Variants in TCF20 observed in about 807,000 individuals in gnomAD.
The protein encoded by TCF20 is transcription factor 20.
In TCF20, 3 loss-of-function variants were observed where a neutral mutation model predicts 148.6. The ratio of observed to expected loss-of-function variants is 0.02; its 90% CI spans 0.01 to 0.05. TCF20 has a LOEUF of 0.05. Ranked by LOEUF, TCF20 falls within the 10% of genes least tolerant of loss-of-function variation. The pLI is 1.00. For missense variants in TCF20, 2,350 were observed against 2,429.3 expected, an observed-to-expected ratio of 0.97 and a Z score of 0.69; for synonymous variants, 1,049 against 909.5, an observed-to-expected ratio of 1.15 and a Z score of -2.76.
intron 1 of TCF20, among the ~76,000 whole-genome samples, chr22:42,259,558 A>T (rs1289305317): frequency 6.6e-6 from 1 of 152,116 alleles, no homozygotes; most frequent in Non-Finnish European, 1.5e-5. Context: ...TACATTCAAA[A>T]CCAAGTTCAT....
chr22:42,265,910 G>T (rs1422347970), intron 1 of TCF20, among the ~76,000 whole-genome samples: 1 of 152,112 alleles, frequency 6.6e-6, no homozygotes, highest in Non-Finnish European at 1.5e-5. Flanking sequence ...TATGAAAAGA[G>T]AAATTTTTTC....
intron 2 of TCF20, among the ~76,000 whole-genome samples, chr22:42,186,958 G>A (rs1309560645): frequency 6.6e-6 from 1 of 152,162 alleles, no homozygotes; most frequent in Admixed American, 6.5e-5. Flanking sequence ...GAGAAAAACC[G>A]CCTCACAGGC....
intron 1 of TCF20, among the ~76,000 whole-genome samples, chr22:42,310,443 G>A (rs901121039): frequency 1.2e-4 from 16 of 133,478 alleles, no homozygotes; most frequent in Non-Finnish European, 1.5e-4. Context: ...GGGGTTGTGC[G>A]GGGGGGAGTA....
intron 1 of TCF20, among the ~76,000 whole-genome samples, chr22:42,217,920 ACTTC>A (rs1921974050): frequency 6.6e-6 from 1 of 152,272 alleles, no homozygotes; most frequent in Non-Finnish European, 1.5e-5. Flanking sequence ...ACAAGGGTCT[ACTTC>A]CTTAAGCTTG....
Position 42,235,445 on chromosome 22 carries a change from T to C in TCF20, c.-36-20104A>G, listed in dbSNP as rs552935268. 5.9e-5 allele frequency among the ~76,000 whole-genome samples: 9 copies of C among 152,306 alleles called. No homozygotes were observed. In the East Asian group the frequency reaches 1.2e-3, roughly 20 times the overall value. ...CTCTCCTGAAGTGACAGAAAGAACATTGAGTAGTACTATCTTACCTAGAGT... is the reference window on the plus strand; with the variant it reads ...CTCTCCTGAAGTGACAGAAAGAACACTGAGTAGTACTATCTTACCTAGAGT... On this transcript the variant is annotated intron_variant, in intron 1 of 5. Transcript: ENST00000677622.
At chr22:42,282,483 ACCTCCAGGC>A (rs1022223591) in intron 1 of TCF20, among the ~76,000 whole-genome samples, 4 of 152,094 alleles carry the variant, frequency 2.6e-5, no homozygotes, top group Non-Finnish European at 4.4e-5. Flanking sequence ...CTGTTTGCCA[ACCTCCAGGC>A]CAGCCAGGCC....
chr22:42,266,329 G>A (rs569579640), intron 1 of TCF20, among the ~76,000 whole-genome samples: 1 of 152,352 alleles, frequency 6.6e-6, no homozygotes, highest in South Asian at 2.1e-4. Context: ...GCCTTGGACA[G>A]AGTCTAGCAC....
intron 1 of TCF20, among the ~76,000 whole-genome samples, chr22:42,227,703 G>A (rs1923040288): frequency 6.6e-6 from 1 of 152,276 alleles, no homozygotes; most frequent in African/African-American, 2.4e-5. Flanking sequence ...CCATGTCCCT[G>A]CCAGAGTACA....
intron 1 of TCF20, among the ~76,000 whole-genome samples, chr22:42,247,321 TC>T (rs1240150636): frequency 6.6e-6 from 1 of 150,514 alleles, no homozygotes; most frequent in Non-Finnish European, 1.5e-5. Context: ...GCGCCTGTAA[TC>T]CCAGCTACTC....
intron 1 of TCF20, among the ~76,000 whole-genome samples, chr22:42,324,676 T>C (rs1405283592): frequency 6.7e-6 from 1 of 148,920 alleles, no homozygotes; most frequent in Non-Finnish European, 1.5e-5. Context: ...TTTAAGAAAA[T>C]AATCTCCACC....
At chr22:42,202,699 A>T (rs916601199) in intron 2 of TCF20, among the ~76,000 whole-genome samples, 11 of 152,206 alleles carry the variant, frequency 7.2e-5, no homozygotes, top group Non-Finnish European at 1.6e-4. Flanking sequence ...GGTGCGGAGG[A>T]GGAACCTCCA....
At chr22:42,162,424 G>A (rs1935522765) in intron 5 of TCF20, among the ~76,000 whole-genome samples, 1 of 152,130 alleles carries the variant, frequency 6.6e-6, no homozygotes, top group Non-Finnish European at 1.5e-5. Flanking sequence ...CCATCCCCAG[G>A]CTGGAGGGCT....
In TCF20 at chr22:42,210,568, G is replaced by C. The variant is rs1310202898; in HGVS notation, c.4738C>G (p.Gln1580Glu). The part of the protein sequence containing the change: ...SADGEPKPKK[Q>E]RQRRERRKPG... Reference sequence around the variant, plus strand: ...TTCCTTCTCTCCCTCCTTTGCCTCTGTTTTTTTGGCTTTGGCTCTCCATCT... The same window carrying C: ...TTCCTTCTCTCCCTCCTTTGCCTCTCTTTTTTTGGCTTTGGCTCTCCATCT... Residue 1580 changes from glutamine to glutamate, a missense_variant, in exon 2 of 6, where the codon CAG becomes GAG. By Grantham distance (29) the Gln-to-Glu change is conservative. Around this residue, in one of 7 missense-constraint regions of TCF20, gnomAD observed 374 missense variants for 398.3 expected, o/e 0.94. Coordinates refer to ENST00000677622, the MANE Select transcript of TCF20 (RefSeq NM_001378418.1). This position sits in a 1 kb window ranked among gnomAD's most constrained non-coding sequence, Gnocchi z 4.7. The C allele has an allele frequency of 6.2e-7, 1 of 1,613,950 alleles. No individual in the cohort carries two copies. The highest frequency in any genetic ancestry group is 1.3e-5 in the African/African-American group (1 of 74,884).
intron 1 of TCF20, among the ~76,000 whole-genome samples, chr22:42,248,308 T>A (rs1925088491): frequency 6.6e-6 from 1 of 152,212 alleles, no homozygotes; most frequent in Admixed American, 6.5e-5. Context: ...TGAAGCCACA[T>A]AGAGTTGCAT....
chr22:42,165,754 G>A (rs1171624832), intron 5 of TCF20, among the ~76,000 whole-genome samples: 1 of 152,266 alleles, frequency 6.6e-6, no homozygotes, highest in East Asian at 1.9e-4. Flanking sequence ...CTGAGAGCCA[G>A]TGTGCTGTGC....
chr22:42,194,526 G>A (rs1937500275), intron 2 of TCF20, among the ~76,000 whole-genome samples: 1 of 152,042 alleles, frequency 6.6e-6, no homozygotes, highest in Non-Finnish European at 1.5e-5. Flanking sequence ...CCCTAGTGAA[G>A]GAACAAGTTG....
At chr22:42,236,777 TCA>T (rs755875469) in intron 1 of TCF20, among the ~76,000 whole-genome samples, 2 of 152,004 alleles carry the variant, frequency 1.3e-5, no homozygotes, top group Admixed American at 1.3e-4. Flanking sequence ...ATAAAGCGAG[TCA>T]CACAAATTTT....
intron 1 of TCF20, among the ~76,000 whole-genome samples, chr22:42,246,545 G>A (rs867122119): frequency 1.3e-5 from 2 of 152,166 alleles, no homozygotes; most frequent in Admixed American, 6.5e-5. Flanking sequence ...TTTCTCGTAC[G>A]TGTTTTTCTC....
At chr22:42,201,237 G>A (rs567239892) in intron 2 of TCF20, among the ~76,000 whole-genome samples, 1 of 152,304 alleles carries the variant, frequency 6.6e-6, no homozygotes, top group East Asian at 1.9e-4. Flanking sequence ...TTCCAGAACT[G>A]TGAGCCAATT....
Sources: allele counts gnomAD v4.1 joint callset (sites outside exome capture counted in the v4.1 genomes callset), GRCh38; gene constraint gnomAD v4.1.1; regional missense constraint gnomAD v4.1.1; non-coding constraint Gnocchi (gnomAD v3.1); transcripts MANE v1.5; gene names NCBI Gene and HGNC (gene_info 2026-07-23, HGNC 2026-07-21).